FBXL5: variants seen among roughly 807,000 people sequenced by gnomAD.
The protein encoded by FBXL5 is F-box/LRR-repeat protein 5.
Under a neutral mutation model 78.3 loss-of-function variants are expected in FBXL5, and 26 were observed. The observed-to-expected ratio is 0.33, with a 90% CI of 0.24 to 0.46. FBXL5 has a LOEUF of 0.46. FBXL5 is among the 20% of genes least tolerant of loss of function. The pLI, the probability that FBXL5 is intolerant of heterozygous loss-of-function variation, is 1.00. For missense variants in FBXL5, 710 were observed against 829.2 expected, an observed-to-expected ratio of 0.86 and a Z score of 1.77; for synonymous variants, 295 against 282.5, an observed-to-expected ratio of 1.04 and a Z score of -0.45.
upstream of FBXL5, among the ~76,000 whole-genome samples, chr4:15,662,933 A>G (rs1163404305): frequency 2.6e-5 from 4 of 152,238 alleles, no homozygotes; most frequent in Non-Finnish European, 5.9e-5. Context: ...CTGTCACTGA[A>G]TAACTGACCC....
upstream of FBXL5, among the ~76,000 whole-genome samples, chr4:15,662,129 C>T (rs1717340715): frequency 6.6e-6 from 1 of 150,522 alleles, no homozygotes; most frequent in African/African-American, 2.4e-5. Context: ...AGAACAACCC[C>T]AGTACAGTGT....
chr4:15,673,931 G>T (rs575017908), intron 1 of FBXL5, among the ~76,000 whole-genome samples: 7 of 152,192 alleles, frequency 4.6e-5, no homozygotes, highest in Admixed American at 1.3e-4. Context: ...ATTGATCAAG[G>T]TTCACTGTCC....
rs1473752232 is a variant in FBXL5 at position 15,604,589 on chromosome 4, C to G, written c.*1134G>C. On this transcript the variant is annotated 3_prime_UTR_variant, in exon 11 of 11. Transcript: ENST00000341285. Reference sequence around the variant, plus strand: ...ATGGCACCAATAGACTGGCTCAACGCAGAGTTGCCATAAACCTTCCATTTG... The same window carrying G: ...ATGGCACCAATAGACTGGCTCAACGGAGAGTTGCCATAAACCTTCCATTTG... The G allele has an allele frequency of 6.6e-6, 1 of 152,160 alleles. No homozygotes were observed. The highest frequency in any genetic ancestry group is 1.5e-5 in the Non-Finnish European group (1 of 68,030). 9.4% of individuals were successfully genotyped at this position (152,160 alleles called of 1,614,324 possible).
intron 3 of FBXL5, among the ~76,000 whole-genome samples, chr4:15,639,641 T>C (rs1183599693): frequency 2.0e-5 from 3 of 152,194 alleles, no homozygotes; most frequent in Non-Finnish European, 4.4e-5. Context: ...GTGATGGATA[T>C]CATACAGTTA....
In FBXL5 at chr4:15,655,350, CG is replaced by C. The variant is rs1234872681; in HGVS notation, c.-64del. On this transcript the variant is annotated 5_prime_UTR_variant, in exon 1 of 11. Transcript: ENST00000341285. Reference sequence around the variant, plus strand: ...GCCGCCTCTCCATAGACACCCTCGCCGCGGGGCAGAGGCGGCGCGCCCCCTT... The same window carrying C: ...GCCGCCTCTCCATAGACACCCTCGCCCGGGGCAGAGGCGGCGCGCCCCCTT... The C allele has an allele frequency of 1.7e-5, 21 of 1,257,692 alleles. No individual in the cohort carries two copies. The East Asian group carries it at 3.2e-4, about 19-fold the overall frequency. 77.9% of individuals were successfully genotyped at this position (1,257,692 alleles called of 1,614,324 possible). A position where few individuals can be genotyped will look rare whatever the true frequency, so the allele number is the denominator to read the frequency against.
chr4:15,655,321 G>T lies in FBXL5; in HGVS notation c.-34C>A. ...CCTCAGCCTCCGCCTCAGCAGCCGCGGCCGCCGCCTCTCCATAGACACCCT... is the reference window on the plus strand; with the variant it reads ...CCTCAGCCTCCGCCTCAGCAGCCGCTGCCGCCGCCTCTCCATAGACACCCT... On this transcript the variant is annotated 5_prime_UTR_variant, in exon 1 of 11. Transcript: ENST00000341285. The T allele has an allele frequency of 2.9e-6, 4 of 1,357,938 alleles. No homozygotes were observed. The highest frequency in any genetic ancestry group is 3.9e-6 in the Non-Finnish European group (4 of 1,027,994). The allele number at this position is 1,357,938 out of a possible 1,614,324, so 84.1% of individuals were successfully genotyped here.
intron 10 of FBXL5, among the ~76,000 whole-genome samples, chr4:15,606,935 C>T (rs1194714349): frequency 6.6e-6 from 1 of 152,156 alleles, no homozygotes; most frequent in East Asian, 1.9e-4. Flanking sequence ...GCTAATACTA[C>T]CATAACAATT....
intron 1 of FBXL5, among the ~76,000 whole-genome samples, chr4:15,653,721 A>AT (rs1716436911): frequency 6.6e-6 from 1 of 152,170 alleles, no homozygotes. Flanking sequence ...TAAAAACACT[A>AT]TAATACTGCT....
chr4:15,659,537 T>TC (rs1717205600), upstream of FBXL5, among the ~76,000 whole-genome samples: 1 of 152,208 alleles, frequency 6.6e-6, no homozygotes, highest in Non-Finnish European at 1.5e-5. Context: ...CTACGTTAAC[T>TC]GTCCAAATAT....
chr4:15,627,991 A>C lies in FBXL5; in HGVS notation c.935T>G (p.Met312Arg), dbSNP rs757671396. ...EESIAISIAQ[M>R]EKRLLHGLIH... ...TAAGCCATGGAGTAAACGTTTTTCCATTTGTGCAATGCTGATAGCAATTGA... is the reference window on the plus strand; with the variant it reads ...TAAGCCATGGAGTAAACGTTTTTCCCTTTGTGCAATGCTGATAGCAATTGA... Residue 312 changes from methionine to arginine, a missense_variant, in exon 7 of 11, where the codon ATG becomes AGG. Met to Arg is a moderately conservative substitution (Grantham distance 91). This residue lies in a region of FBXL5 where 517 missense variants were observed against 542.9 expected (regional missense o/e 0.95). Transcript: ENST00000341285. 1 of 1,613,648 alleles carries C rather than the reference A, an allele frequency of 6.2e-7. No individual in the cohort carries two copies. Among genetic ancestry groups the C allele is most frequent in the Non-Finnish European group, 8.5e-7 (1 of 1,179,870 alleles).
At chr4:15,620,417 T>G (rs115129351) in intron 9 of FBXL5, among the ~76,000 whole-genome samples, 3,613 of 152,178 alleles carry the variant, frequency 0.024, 67 homozygotes, top group Middle Eastern at 0.048. Flanking sequence ...TTTGCAGAAA[T>G]AGAAAAAACC....
intron 1 of FBXL5, among the ~76,000 whole-genome samples, chr4:15,652,473 A>T (rs1463274546): frequency 2.6e-5 from 4 of 152,192 alleles, no homozygotes; most frequent in Non-Finnish European, 5.9e-5. Context: ...CAAAGGTGAA[A>T]AACCTTTCCA....
At chr4:15,641,547 A>G (rs1298594808) in intron 2 of FBXL5, 3 of 447,378 alleles carry the variant, frequency 6.7e-6, no homozygotes, top group Non-Finnish European at 1.3e-5. Flanking sequence ...TCCAGTATAT[A>G]TATTTTACAT....
At chr4:15,636,256 T>A (rs1714252602) in intron 5 of FBXL5, 5 of 364,810 alleles carry the variant, frequency 1.4e-5, no homozygotes, top group African/African-American at 6.2e-5. Flanking sequence ...TCTTTTTGCA[T>A]CCCCTCCCAC....
At chr4:15,620,460 C>A (rs1197025908) in intron 9 of FBXL5, among the ~76,000 whole-genome samples, 1 of 152,112 alleles carries the variant, frequency 6.6e-6, no homozygotes, top group East Asian at 1.9e-4. Flanking sequence ...CTCAAGGAAC[C>A]CCAGATACTA....
chr4:15,663,638 G>C (rs965644656), upstream of FBXL5, among the ~76,000 whole-genome samples: 1 of 152,212 alleles, frequency 6.6e-6, no homozygotes, highest in Non-Finnish European at 1.5e-5. Flanking sequence ...CTAGTGGACT[G>C]TGGTGGAGAT....
intron 1 of FBXL5, among the ~76,000 whole-genome samples, chr4:15,680,733 G>A (rs1043383230): frequency 4.6e-5 from 7 of 151,936 alleles, no homozygotes; most frequent in African/African-American, 1.7e-4. Flanking sequence ...ATTTGACTGT[G>A]TAATCCTACA....
At position 15,677,950 on chromosome 4, in the gene FBXL5, T is replaced by C. The variant is rs201686489; in HGVS notation, c.-284+3433A>G. ...CTGAGCGCTTAACCTGTGTGGCAAC[T>C]GTGCTAACTTCAGGCAATTAGTAAC... On this transcript the variant is annotated intron_variant, in intron 1 of 4. Coordinates refer to the FBXL5 transcript ENST00000507899. Among the ~76,000 whole-genome samples the C allele has an allele frequency of 9.6e-3, 1,457 of 152,312 alleles. 20 individuals carry two copies. The highest frequency in any genetic ancestry group is 0.013 in the Non-Finnish European group (915 of 68,030).
intron 1 of FBXL5, among the ~76,000 whole-genome samples, chr4:15,679,662 T>C (rs1024232961): frequency 1.3e-5 from 2 of 152,086 alleles, no homozygotes; most frequent in Non-Finnish European, 2.9e-5. Context: ...AACAAGTTAT[T>C]TTTGTTATAT....
Sources: gnomAD v4.1 joint callset for allele counts (sites outside exome capture counted in the v4.1 genomes callset) on GRCh38, gnomAD v4.1.1 for gene constraint, gnomAD v4.1.1 regional missense constraint, MANE v1.5 for transcripts, NCBI Gene and HGNC (gene_info 2026-07-23, HGNC 2026-07-21) for gene names.